The following ZSCAN5A variants were observed in gnomAD, a reference collection of about 807,000 sequenced individuals.
ZSCAN5A encodes the protein zinc finger and SCAN domain containing 5A, also known as zinc finger and SCAN domain-containing protein 5A.
In ZSCAN5A, 12 loss-of-function variants were observed where a neutral mutation model predicts 23.7. That is an observed-to-expected ratio of 0.51 (90% confidence interval 0.32 to 0.82). The LOEUF (loss-of-function observed/expected upper bound fraction) is 0.82. Ranked by LOEUF, ZSCAN5A falls within the 40% of genes least tolerant of loss-of-function variation. The probability of loss-of-function intolerance (pLI) is 0.03; values close to 1 mark genes in which losing one functional copy is unlikely to be tolerated. For missense variants in ZSCAN5A, 597 were observed against 617.9 expected (o/e 0.97, Z 0.36); for synonymous variants, 257 against 239.9 (o/e 1.07, Z -0.66).
intron 2 of ZSCAN5A, among the ~76,000 whole-genome samples, chr19:56,324,777 CAA>C (rs2041417559): frequency 6.6e-6 from 1 of 152,022 alleles, no homozygotes; most frequent in African/African-American, 2.4e-5. Flanking sequence ...TGGCCACAAA[CAA>C]TGGTCACCAA....
intron 2 of ZSCAN5A, chr19:56,296,175 G>C (rs2039859727): frequency 6.6e-6 from 1 of 152,594 alleles, no homozygotes; most frequent in African/African-American, 2.4e-5. Context: ...GCACAGGGGG[G>C]AGGTGGCAGT....
chr19:56,331,575 A>ATTTTTTTTT (rs1568755642), intron 2 of ZSCAN5A, among the ~76,000 whole-genome samples: 1 of 60,244 alleles, frequency 1.7e-5, no homozygotes, highest in African/African-American at 8.7e-5. Flanking sequence ...ATGGAATTGC[A>ATTTTTTTTT]TTCTTTTTTT....
intron 2 of ZSCAN5A, among the ~76,000 whole-genome samples, chr19:56,327,217 A>G (rs1453903535): frequency 6.6e-6 from 1 of 152,082 alleles, no homozygotes; most frequent in African/African-American, 2.4e-5. Flanking sequence ...CCTGGGCTCA[A>G]GCAATACTCC....
chr19:56,247,237 A>G, intron 2 of ZSCAN5A: 1 of 447,038 alleles, frequency 2.2e-6, no homozygotes, highest in Non-Finnish European at 4.2e-6. Flanking sequence ...CACATGTGAC[A>G]TCTGTCACAA....
chr19:56,298,820 A>G (rs377632198), intron 2 of ZSCAN5A, among the ~76,000 whole-genome samples: 2 of 152,246 alleles, frequency 1.3e-5, no homozygotes, highest in East Asian at 1.9e-4. Flanking sequence ...AGAAAATTAA[A>G]AACAGTCATT....
intron 2 of ZSCAN5A, chr19:56,347,493 G>A (rs1228088251): frequency 6.6e-6 from 1 of 152,176 alleles, no homozygotes; most frequent in Non-Finnish European, 1.5e-5. Context: ...GAGGAAGGGG[G>A]TGAGTAAGGG....
chr19:56,360,944 G>A (rs182286134), intron 2 of ZSCAN5A, among the ~76,000 whole-genome samples: 4 of 152,204 alleles, frequency 2.6e-5, no homozygotes, highest in East Asian at 3.9e-4. Context: ...ATATCCATCC[G>A]ACAAAGGTCT....
intron 2 of ZSCAN5A, among the ~76,000 whole-genome samples, chr19:56,340,337 G>A (rs1444763659): frequency 6.6e-6 from 1 of 152,170 alleles, no homozygotes; most frequent in African/African-American, 2.4e-5. Context: ...AGCCAGCAGG[G>A]CAGCTCTCAC....
chr19:56,325,940 T>G (rs956332032), intron 2 of ZSCAN5A, among the ~76,000 whole-genome samples: 46 of 131,508 alleles, frequency 3.5e-4, no homozygotes, highest in African/African-American at 1.2e-3. Flanking sequence ...TATATTGTGG[T>G]TTTTTTTTTT....
intron 2 of ZSCAN5A, among the ~76,000 whole-genome samples, chr19:56,300,324 C>A (rs1330916125): frequency 6.6e-6 from 1 of 152,164 alleles, no homozygotes; most frequent in Non-Finnish European, 1.5e-5. Flanking sequence ...AGTTAAAGAA[C>A]TTGACAGCTC....
chr19:56,335,812 TGTAAA>T (rs2041530070), intron 2 of ZSCAN5A, among the ~76,000 whole-genome samples: 1 of 144,948 alleles, frequency 6.9e-6, no homozygotes, highest in Non-Finnish European at 1.5e-5. Flanking sequence ...TTTGCTTGTC[TGTAAA>T]GTATTTTATT....
chr19:56,293,904 C>T lies in ZSCAN5A; in HGVS notation c.-128+19379G>A, dbSNP rs571971377. Among the ~76,000 whole-genome samples the T allele has an allele frequency of 2.0e-5, 3 of 152,216 alleles. No individual in the cohort carries two copies. The East Asian group carries it at 5.8e-4, about 29-fold the overall frequency. ...GTCACTCGTCTGGAGGTTGAGAAAC[C>T]CCCCGCTGAATAAAATGTCTGGCAC... is the stretch of plus-strand genomic sequence containing the variant. On this transcript the variant is annotated intron_variant, in intron 2 of 5. Coordinates refer to ENST00000683990, the MANE Select transcript of ZSCAN5A (RefSeq NM_001322064.3).
rs867737828 is a variant in ZSCAN5A, at chr19:56,335,944, C to T, written c.-357-19676G>A. Among the ~76,000 whole-genome samples, 284 of 152,206 alleles carry T rather than the reference C, an allele frequency of 1.9e-3. 3 individuals carry two copies. The Middle Eastern group carries it at 0.061, about 33-fold the overall frequency. The stretch of plus-strand genomic sequence containing the variant: ...CTCTTCTGGCTTGTAGAGTTTCTGC[C>T]GAGAGATCGCTGTTAGTCTGATGGG... On this transcript the variant is annotated intron_variant, in intron 2 of 6. Transcript: ENST00000587340.
At chr19:56,272,616 CTG>C (rs1167297263) in intron 2 of ZSCAN5A, among the ~76,000 whole-genome samples, 3 of 152,210 alleles carry the variant, frequency 2.0e-5, no homozygotes, top group African/African-American at 7.2e-5. Flanking sequence ...CAGCATGAAA[CTG>C]TTCTAAAATG....
chr19:56,343,279 GC>G (rs1213311093), intron 2 of ZSCAN5A: 21 of 781,622 alleles, frequency 2.7e-5, no homozygotes, highest in Non-Finnish European at 1.2e-5. Context: ...AGGAGGCTTT[GC>G]CAGGAGAAGC....
chr19:56,273,329 G>A (rs1016371239), intron 2 of ZSCAN5A, among the ~76,000 whole-genome samples: 5 of 152,178 alleles, frequency 3.3e-5, no homozygotes, highest in Non-Finnish European at 7.3e-5. Context: ...AGACTTTTGC[G>A]ACGTAAAGAC....
At chr19:56,243,490 T>A (rs2035594701) in intron 2 of ZSCAN5A, among the ~76,000 whole-genome samples, 3 of 152,248 alleles carry the variant, frequency 2.0e-5, no homozygotes, top group Admixed American at 2.0e-4. Flanking sequence ...CAAGAAAAGG[T>A]GTTGGGGGAC....
chr19:56,275,126 G>C (rs1396758476), intron 2 of ZSCAN5A, among the ~76,000 whole-genome samples: 4 of 152,178 alleles, frequency 2.6e-5, no homozygotes, highest in African/African-American at 9.7e-5. Context: ...GGCTAAGGTG[G>C]TGTCTGCCAG....
At chr19:56,244,925 C>G (rs1003570820) in intron 2 of ZSCAN5A, among the ~76,000 whole-genome samples, 2 of 152,128 alleles carry the variant, frequency 1.3e-5, no homozygotes. Flanking sequence ...AAATGAGCCC[C>G]TAAGTTCTAA....
Sources: gnomAD v4.1 joint callset for allele counts (sites outside exome capture counted in the v4.1 genomes callset) on GRCh38, gnomAD v4.1.1 for gene constraint, MANE v1.5 for transcripts, NCBI Gene and HGNC (gene_info 2026-07-23, HGNC 2026-07-21) for gene names.